The following NTRK3 variants were observed in gnomAD, a reference collection of about 807,000 sequenced individuals.
NTRK3 encodes the protein neurotrophic receptor tyrosine kinase 3.
In NTRK3, 24 loss-of-function variants were observed where a neutral mutation model predicts 91.7. The observed-to-expected ratio is 0.26, with a 90% confidence interval of 0.19 to 0.37. The LOEUF (loss-of-function observed/expected upper bound fraction) is 0.37. Among genes scored for constraint, NTRK3 ranks in the 10% least tolerant of loss-of-function variants. The pLI is 1.00. For missense variants in NTRK3, 880 were observed against 1,068.9 expected (o/e 0.82, Z 2.46); for synonymous variants, 483 against 404.0 (o/e 1.20, Z -2.34).
At chr15:88,214,353 G>A (rs1171599046) in intron 3 of NTRK3, among the ~76,000 whole-genome samples, 9 of 152,112 alleles carry the variant, frequency 5.9e-5, no homozygotes, top group African/African-American at 2.2e-4. Flanking sequence ...GCTCATAGCT[G>A]CATCACTCCA....
intron 18 of NTRK3, 82 bp downstream of exon 19, chr15:87,880,188 T>C: frequency 6.4e-7 from 1 of 1,559,936 alleles, no homozygotes; most frequent in Non-Finnish European, 8.8e-7. Flanking sequence ...CCTAATGTCT[T>C]GTTCAGTAGG....
intron 16 of NTRK3, among the ~76,000 whole-genome samples, chr15:87,929,892 C>A (rs1250590577): frequency 6.6e-6 from 1 of 152,146 alleles, no homozygotes; most frequent in Non-Finnish European, 1.5e-5. Flanking sequence ...GCCAAAGTCC[C>A]AGAGGTCCAG....
chr15:87,885,819 T>G lies in NTRK3; in HGVS notation c.2134-5391A>C, dbSNP rs1161177123. 1.0e-5 allele frequency: 5 copies of G among 499,660 alleles called. No individual in the cohort carries two copies. In the Admixed American group the frequency reaches 1.7e-4, roughly 17 times the overall value. 31.0% of individuals were successfully genotyped at this position (499,660 alleles called of 1,614,324 possible). A position where few individuals can be genotyped will look rare whatever the true frequency, so the allele number is the denominator to read the frequency against. Reference sequence around the variant, plus strand: ...TATCCTCAGAAAAGGAAGGCCTTCCTAAATAAGACACATGTTCAAGAAGCC... The same window carrying G: ...TATCCTCAGAAAAGGAAGGCCTTCCGAAATAAGACACATGTTCAAGAAGCC... On this transcript the variant is annotated intron_variant, in intron 17 of 18. Coordinates refer to ENST00000394480, the Ensembl canonical transcript of NTRK3.
chr15:87,969,582 C>T (rs187431216), intron 14 of NTRK3, among the ~76,000 whole-genome samples: 1 of 152,254 alleles, frequency 6.6e-6, no homozygotes, highest in Admixed American at 6.5e-5. Flanking sequence ...CTGCTTACAT[C>T]TTCTGTGCTA....
At chr15:88,177,583 A>G (rs1266056065) in intron 5 of NTRK3, among the ~76,000 whole-genome samples, 1 of 152,246 alleles carries the variant, frequency 6.6e-6, no homozygotes, top group African/African-American at 2.4e-5. Flanking sequence ...ACTTACAAGA[A>G]CAAGAAGCAT....
At chr15:87,978,559 C>T (rs1025002025) in intron 14 of NTRK3, 3 of 229,294 alleles carry the variant, frequency 1.3e-5, no homozygotes, top group Non-Finnish European at 2.6e-5. Flanking sequence ...AAACCTCCTG[C>T]AGCCAAAGCT....
chr15:87,959,044 T>C (rs911901600), intron 14 of NTRK3, among the ~76,000 whole-genome samples: 1 of 138,112 alleles, frequency 7.2e-6, no homozygotes, highest in Non-Finnish European at 1.5e-5. Context: ...CTTCCTTCTC[T>C]TCTGAAACAT....
intron 3 of NTRK3, among the ~76,000 whole-genome samples, chr15:88,209,249 C>T (rs1228126606): frequency 3.3e-5 from 5 of 152,164 alleles, no homozygotes; most frequent in African/African-American, 4.8e-5. Context: ...TCTGTTCTTC[C>T]CCATTATTGG....
At chr15:88,229,556 A>C (rs1343103038) in intron 3 of NTRK3, among the ~76,000 whole-genome samples, 1 of 152,170 alleles carries the variant, frequency 6.6e-6, no homozygotes, top group East Asian at 1.9e-4. Flanking sequence ...TCTGCAACTA[A>C]CACAGTCTGT....
At chr15:87,876,874 G>A (rs2141433571) in exon 19 of NTRK3, 3 of 1,569,816 alleles carry the variant, frequency 1.9e-6, no homozygotes, top group Non-Finnish European at 1.8e-6. Flanking sequence ...GAGGTGGAAG[G>A]GAGATGTGAG....
intron 10 of NTRK3, among the ~76,000 whole-genome samples, chr15:88,129,928 TC>T (rs1405836286): frequency 6.6e-6 from 1 of 151,966 alleles, no homozygotes; most frequent in African/African-American, 2.4e-5. Context: ...TTAGGGTGAG[TC>T]CTAATCAAAT....
At chr15:88,086,085 G>C (rs955458984) in intron 13 of NTRK3, among the ~76,000 whole-genome samples, 3 of 152,196 alleles carry the variant, frequency 2.0e-5, no homozygotes, top group Non-Finnish European at 4.4e-5. Flanking sequence ...AGGTAGGAGA[G>C]GTGTCCGATG....
At chr15:87,873,682 C>T (rs2064881736) in exon 19 of NTRK3, 1 of 232,042 alleles carries the variant, frequency 4.3e-6, no homozygotes, top group South Asian at 1.8e-4. Context: ...TTTCACAACA[C>T]ATTTCATCAC....
At chr15:88,072,116 C>A (rs757307805) in intron 13 of NTRK3, among the ~76,000 whole-genome samples, 1 of 149,590 alleles carries the variant, frequency 6.7e-6, no homozygotes, top group Non-Finnish European at 1.5e-5. Context: ...AGGAATTCTC[C>A]TGCCTCAGCC....
chr15:88,209,022 A>C lies in NTRK3; in HGVS notation c.249-24723T>G, dbSNP rs1477849475. 3.3e-5 allele frequency among the ~76,000 whole-genome samples: 5 copies of C among 152,342 alleles called. No homozygotes were observed. In the East Asian group the frequency reaches 9.6e-4, roughly 29 times the overall value. ...ACTGCCCACAGCAAACTTGAAGACT[A>C]ATAAGGGAAATAAATCTATGTGTAA... is the stretch of plus-strand genomic sequence containing the variant. On this transcript the variant is annotated intron_variant, in intron 3 of 18. Coordinates refer to ENST00000394480, the Ensembl canonical transcript of NTRK3.
intron 3 of NTRK3, among the ~76,000 whole-genome samples, chr15:88,246,980 G>T (rs749342843): frequency 7.2e-4 from 109 of 152,302 alleles, no homozygotes; most frequent in Non-Finnish European, 1.5e-3. Context: ...ACCGTCTCGT[G>T]CGCCACACTG....
intron 17 of NTRK3, among the ~76,000 whole-genome samples, chr15:87,898,823 T>TAAAAAAAA (rs34425235): frequency 1.3e-4 from 13 of 103,926 alleles, no homozygotes; most frequent in South Asian, 3.6e-4. Context: ...CTGTCTCTAC[T>TAAAAAAAA]AAAAAAAAAA....
At chr15:87,988,998 A>G (rs917141624) in intron 14 of NTRK3, among the ~76,000 whole-genome samples, 6 of 152,114 alleles carry the variant, frequency 3.9e-5, no homozygotes, top group African/African-American at 1.2e-4. Context: ...GCTCACTGCA[A>G]CTTTCACCTC....
chr15:88,007,709 T>C (rs1318759772), intron 14 of NTRK3, among the ~76,000 whole-genome samples: 1 of 152,336 alleles, frequency 6.6e-6, no homozygotes, highest in East Asian at 1.9e-4. Context: ...GATGTGCTCA[T>C]TGAAATCAAG....
Sources: gnomAD v4.1 joint callset for allele counts (sites outside exome capture counted in the v4.1 genomes callset) on GRCh38, gnomAD v4.1.1 for gene constraint, MANE v1.5 for transcripts, NCBI Gene and HGNC (gene_info 2026-07-23, HGNC 2026-07-21) for gene names.